Variants in SOX5 observed in about 807,000 individuals in gnomAD.
SOX5 encodes transcription factor SOX-5.
A neutral mutation model predicts 92.0 loss-of-function variants in SOX5; 9 were observed. That is an observed-to-expected ratio of 0.10 (90% CI 0.06 to 0.17). SOX5 has a LOEUF of 0.17. SOX5 is among the 10% of genes least tolerant of loss of function. The pLI is 1.00. For synonymous variants in SOX5, 344 were observed against 336.3 expected, an observed-to-expected ratio of 1.02 and a Z score of -0.25; for missense variants, 642 against 944.5, an observed-to-expected ratio of 0.68 and a Z score of 4.20.
intron 1 of SOX5, among the ~76,000 whole-genome samples, chr12:23,896,824 T>C (rs7342385): frequency 0.08 from 12,089 of 152,014 alleles, 589 homozygotes; most frequent in Middle Eastern, 0.14. Context: ...TTAGGATACT[T>C]AAATAAAAGA....
intron 7 of SOX5, 136 bp downstream of exon 7, chr12:23,665,308 C>T (rs2083615676): frequency 2.1e-6 from 2 of 938,924 alleles, no homozygotes; most frequent in Non-Finnish European, 3.4e-6. Context: ...CTTCTCCACA[C>T]ATTCTGTGTG....
intron 2 of SOX5, among the ~76,000 whole-genome samples, chr12:24,361,072 A>C (rs1322312863): frequency 6.6e-6 from 1 of 152,166 alleles, no homozygotes; most frequent in Non-Finnish European, 1.5e-5. Context: ...GTCTTAGGTC[A>C]GCTCCTCGTA....
At chr12:23,964,986 C>A (rs1165464830) in intron 4 of SOX5, among the ~76,000 whole-genome samples, 8 of 152,180 alleles carry the variant, frequency 5.3e-5, no homozygotes, top group African/African-American at 1.9e-4. Context: ...AGCACCAGGG[C>A]TAGCGCACAG....
intron 3 of SOX5, among the ~76,000 whole-genome samples, chr12:23,838,726 G>A (rs891569383): frequency 3.3e-5 from 5 of 151,542 alleles, no homozygotes; most frequent in African/African-American, 4.8e-5. Flanking sequence ...CAATAGTGAC[G>A]TTTCTTTGTG....
rs556246114 is a variant in SOX5 at position 24,009,741 on chromosome 12, T to C, written c.-1-113717A>G. 2.0e-4 allele frequency among the ~76,000 whole-genome samples: 31 copies of C among 152,292 alleles called. No individual in the cohort carries two copies. In the South Asian group the frequency reaches 6.2e-3, roughly 31 times the overall value. On this transcript the variant is annotated intron_variant, in intron 4 of 4. Coordinates refer to the SOX5 transcript ENST00000446891. ...TATTTAGTCAAGAATATTTTTATGATTAAATTTTACAAACAGAGATATCAG... is the reference window on the plus strand; with the variant it reads ...TATTTAGTCAAGAATATTTTTATGACTAAATTTTACAAACAGAGATATCAG...
chr12:23,956,599 C>T (rs1946310271), intron 4 of SOX5, among the ~76,000 whole-genome samples: 1 of 152,116 alleles, frequency 6.6e-6, no homozygotes, highest in Non-Finnish European at 1.5e-5. Flanking sequence ...TGAAACTGGT[C>T]CCTGATGCTA....
At chr12:24,433,875 A>G (rs1364536673) in intron 1 of SOX5, among the ~76,000 whole-genome samples, 2 of 152,172 alleles carry the variant, frequency 1.3e-5, no homozygotes, top group African/African-American at 4.8e-5. Context: ...AGATGCCATG[A>G]GAATGAATGG....
intron 4 of SOX5, among the ~76,000 whole-genome samples, chr12:24,064,606 TTA>T (rs1940334688): frequency 1.3e-5 from 2 of 152,090 alleles, no homozygotes. Flanking sequence ...CATAATCAAT[TTA>T]TGTTTGTTTT....
chr12:24,443,824 T>G (rs1941042765), intron 1 of SOX5, among the ~76,000 whole-genome samples: 2 of 152,240 alleles, frequency 1.3e-5, no homozygotes. Flanking sequence ...GAAAAGCAGC[T>G]TTTTCAACAC....
intron 7 of SOX5, among the ~76,000 whole-genome samples, chr12:23,645,148 T>C (rs887455216): frequency 1.3e-5 from 2 of 152,130 alleles, no homozygotes; most frequent in African/African-American, 4.8e-5. Flanking sequence ...CCATCATCAG[T>C]AGGTAGTATA....
rs1456535547 is a variant in SOX5, at chr12:23,534,015, T to C, written c.*204A>G. 7.8e-6 allele frequency: 4 copies of C among 514,798 alleles called. No individual in the cohort carries two copies. The highest frequency in any genetic ancestry group is 7.6e-5 in the African/African-American group (4 of 52,536). 31.9% of individuals were successfully genotyped at this position (514,798 alleles called of 1,614,324 possible). On this transcript the variant is annotated 3_prime_UTR_variant, in exon 15 of 15. Coordinates refer to ENST00000451604, the MANE Select transcript of SOX5 (RefSeq NM_006940.6). ...TTATTTCAATCTCTTGTTGTTGATA[T>C]TGTTGTTTGCTTGTTGTATTTGTTT...
chr12:24,205,198 C>A (rs960908649), intron 4 of SOX5, among the ~76,000 whole-genome samples: 1 of 152,116 alleles, frequency 6.6e-6, no homozygotes, highest in Non-Finnish European at 1.5e-5. Context: ...TGCTTAAATG[C>A]CTGTCTTGCA....
At chr12:24,422,074 C>T (rs1965997803) in intron 1 of SOX5, among the ~76,000 whole-genome samples, 2 of 152,166 alleles carry the variant, frequency 1.3e-5, no homozygotes, top group Admixed American at 6.5e-5. Context: ...TTCCATAAAA[C>T]CCAAGAATAG....
intron 6 of SOX5, among the ~76,000 whole-genome samples, chr12:23,722,315 A>C (rs1418473117): frequency 1.3e-5 from 2 of 152,180 alleles, no homozygotes; most frequent in Non-Finnish European, 2.9e-5. Flanking sequence ...GGAATATTTT[A>C]AACATACATG....
At chr12:23,720,614 A>T (rs919808164) in intron 6 of SOX5, among the ~76,000 whole-genome samples, 11 of 151,484 alleles carry the variant, frequency 7.3e-5, no homozygotes, top group African/African-American at 2.7e-4. Context: ...AATGATCTTT[A>T]AAAAAAAATA....
At chr12:24,202,393 CAG>C (rs1184019321) in intron 4 of SOX5, among the ~76,000 whole-genome samples, 5 of 152,154 alleles carry the variant, frequency 3.3e-5, no homozygotes, top group African/African-American at 9.7e-5. Context: ...AAAAATAGTA[CAG>C]AGTGTCCATA....
intron 2 of SOX5, among the ~76,000 whole-genome samples, chr12:23,881,210 C>T (rs2096985332): frequency 1.3e-5 from 2 of 152,120 alleles, no homozygotes; most frequent in East Asian, 1.9e-4. Flanking sequence ...GGCTGTAAAC[C>T]GCCTGCTATC....
rs79374061 is a variant in SOX5, at chr12:24,175,355, A to G, written c.-2+37988T>C. Among the ~76,000 whole-genome samples, 48 of 152,358 alleles carry G rather than the reference A, an allele frequency of 3.2e-4. 1 individual carries two copies. The East Asian group carries it at 9.3e-3, about 29-fold the overall frequency. On this transcript the variant is annotated intron_variant, in intron 4 of 4. Coordinates refer to the SOX5 transcript ENST00000446891. ...AACAAAAATAAAACTGGGACATACC[A>G]AAAAAGTACGATGGATATTTGGGGT... is the stretch of plus-strand genomic sequence containing the variant.
intron 1 of SOX5, among the ~76,000 whole-genome samples, chr12:23,916,231 C>T (rs1355836076): frequency 2.6e-5 from 4 of 152,124 alleles, no homozygotes; most frequent in African/African-American, 9.7e-5. Flanking sequence ...CCATGTTGTT[C>T]ATCTAGAAAT....
Sources: gnomAD v4.1 joint callset for allele counts (sites outside exome capture counted in the v4.1 genomes callset) on GRCh38, gnomAD v4.1.1 for gene constraint, MANE v1.5 for transcripts, NCBI Gene and HGNC (gene_info 2026-07-23, HGNC 2026-07-21) for gene names.